Variants in AHI1 observed in about 807,000 individuals in gnomAD.
AHI1 encodes the protein jouberin.
A neutral mutation model predicts 149.3 loss-of-function variants in AHI1; 123 were observed. The ratio of observed to expected loss-of-function variants is 0.82; its 90% CI spans 0.71 to 0.96. The LOEUF (loss-of-function observed/expected upper bound fraction) is 0.96, where lower values mean the gene tolerates loss of function less well. Among genes scored for constraint, AHI1 ranks in the 40% least tolerant of loss-of-function variants. The pLI is 0.00. For synonymous variants in AHI1, 475 were observed against 459.8 expected (o/e 1.03, Z -0.42); for missense variants, 1,439 against 1,422.7 (o/e 1.01, Z -0.18).
At chr6:135,453,270 G>T in intron 11 of AHI1, 71 bp downstream of exon 11, 1 of 1,191,446 alleles carries the variant, frequency 8.4e-7, no homozygotes, top group Non-Finnish European at 1.2e-6. Flanking sequence ...AGACCAAACT[G>T]ATTTGGGAGA....
intron 24 of AHI1, 111 bp from the exon 25 acceptor site, chr6:135,323,435 G>C (rs1787179165): frequency 1.7e-6 from 2 of 1,177,230 alleles, no homozygotes; most frequent in African/African-American, 3.1e-5. Context: ...CAGTACTTTG[G>C]TAAGTGTGAG....
intron 24 of AHI1, among the ~76,000 whole-genome samples, chr6:135,332,960 A>G (rs1021307750): frequency 3.9e-5 from 6 of 152,248 alleles, no homozygotes; most frequent in African/African-American, 1.2e-4. Flanking sequence ...TAAATGTATT[A>G]TAATTTTGTC....
intron 21 of AHI1, among the ~76,000 whole-genome samples, chr6:135,405,996 C>T (rs556524838): frequency 2.6e-5 from 4 of 151,124 alleles, no homozygotes; most frequent in Non-Finnish European, 4.4e-5. Flanking sequence ...TCATAATCAA[C>T]ATGGAGTTTA....
chr6:135,316,436 C>T (rs1184565972), intron 26 of AHI1, among the ~76,000 whole-genome samples: 3 of 151,856 alleles, frequency 2.0e-5, no homozygotes, highest in Admixed American at 6.6e-5. Flanking sequence ...TAATCCTTGC[C>T]ACTCTATTGA....
chr6:135,289,421 G>A (rs897088835), intron 28 of AHI1, among the ~76,000 whole-genome samples: 2 of 152,012 alleles, frequency 1.3e-5, no homozygotes, highest in Non-Finnish European at 2.9e-5. Flanking sequence ...CTTGAACCCG[G>A]GAGGTGGAGA....
Position 135,411,460 on chromosome 6 carries a change from C to T in AHI1, c.2849G>A (p.Cys950Tyr), listed in dbSNP as rs1225607963. ...PGIHQSQDAL[C>Y]TCPKLPHQGS... The stretch of plus-strand genomic sequence containing the variant: ...TTGATGGGGTAGTTTTGGACAGGTA[C>T]ATAGGGCATCTTGACTTTGGTGTAT... Residue 950 changes from cysteine (C) to tyrosine (Y), a missense_variant, in exon 21 of 29, where the codon TGT (cysteine) becomes TAT (tyrosine). By Grantham distance (194) the Cys-to-Tyr change is radical (BLOSUM62 -2). Coordinates refer to ENST00000265602, the MANE Select transcript of AHI1 (RefSeq NM_001134831.2). 1 of 1,613,570 alleles carries T rather than the reference C, an allele frequency of 6.2e-7. No individual in the cohort carries two copies. The highest frequency in any genetic ancestry group is 8.5e-7 in the Non-Finnish European group (1 of 1,179,648).
chr6:135,318,502 T>C lies in AHI1; in HGVS notation c.3426+17A>G. The C allele has an allele frequency of 2.0e-6, 3 of 1,494,578 alleles. No homozygotes were observed. Among genetic ancestry groups the C allele is most frequent in the Non-Finnish European group, 2.8e-6 (3 of 1,089,366 alleles). 92.6% of individuals were successfully genotyped at this position (1,494,578 alleles called of 1,614,324 possible). On this transcript the variant is annotated intron_variant, in intron 26 of 28. Coordinates refer to ENST00000265602, the MANE Select transcript of AHI1 (RefSeq NM_001134831.2). ...AATCAAAGTACATATGTAATACGTA[T>C]GCTCAAAAACATTTACCTTTTGAGG... is the stretch of plus-strand genomic sequence containing the variant.
At chr6:135,459,920 G>A (rs905545271) in intron 8 of AHI1, among the ~76,000 whole-genome samples, 3 of 152,130 alleles carry the variant, frequency 2.0e-5, no homozygotes, top group Non-Finnish European at 4.4e-5. Flanking sequence ...TGTGGGCCGC[G>A]ATAGCTCACA....
intron 11 of AHI1, among the ~76,000 whole-genome samples, chr6:135,451,717 T>C (rs551163214): frequency 6.6e-6 from 1 of 152,358 alleles, no homozygotes; most frequent in Admixed American, 6.5e-5. Context: ...TGAAATATGT[T>C]ACTGCTTCCT....
intron 5 of AHI1, among the ~76,000 whole-genome samples, chr6:135,486,931 G>T (rs894941704): frequency 1.3e-5 from 2 of 151,840 alleles, no homozygotes; most frequent in African/African-American, 4.8e-5. Flanking sequence ...CCATGCCCAG[G>T]TAAGTTTTTA....
chr6:135,406,310 C>T (rs1357856062), intron 21 of AHI1, among the ~76,000 whole-genome samples: 2 of 152,180 alleles, frequency 1.3e-5, no homozygotes, highest in African/African-American at 4.8e-5. Flanking sequence ...GAGCCAGATA[C>T]TGTATCTAAA....
At chr6:135,463,963 T>A (rs990366542) in intron 7 of AHI1, among the ~76,000 whole-genome samples, 12 of 152,120 alleles carry the variant, frequency 7.9e-5, no homozygotes, top group African/African-American at 2.9e-4. Context: ...CAGGCATGGA[T>A]TTCTAGGTAA....
intron 23 of AHI1, among the ~76,000 whole-genome samples, chr6:135,359,164 A>C (rs1321775719): frequency 6.6e-6 from 1 of 152,230 alleles, no homozygotes; most frequent in Admixed American, 6.5e-5. Context: ...ATCGCTTTGC[A>C]AGAGTATTTT....
At chr6:135,377,951 A>T (rs772030465) in intron 23 of AHI1, among the ~76,000 whole-genome samples, 2 of 152,206 alleles carry the variant, frequency 1.3e-5, no homozygotes, top group African/African-American at 2.4e-5. Flanking sequence ...TGACTGCTCT[A>T]TTCAATAAAT....
intron 24 of AHI1, among the ~76,000 whole-genome samples, chr6:135,349,080 G>A (rs746836778): frequency 6.6e-6 from 1 of 152,062 alleles, no homozygotes; most frequent in Non-Finnish European, 1.5e-5. Flanking sequence ...GAACTCCTGG[G>A]CTCAAGTGAT....
chr6:135,352,054 C>T (rs1336952117), intron 24 of AHI1, among the ~76,000 whole-genome samples: 1 of 152,218 alleles, frequency 6.6e-6, no homozygotes, highest in African/African-American at 2.4e-5. Flanking sequence ...TATTTCCACA[C>T]TGATCCCGAT....
At chr6:135,332,976 A>T (rs1340507747) in intron 24 of AHI1, among the ~76,000 whole-genome samples, 1 of 152,190 alleles carries the variant, frequency 6.6e-6, no homozygotes, top group Non-Finnish European at 1.5e-5. Flanking sequence ...TTGTCTTCTG[A>T]CAGAAGGTTT....
rs114862387 is a variant in AHI1 at position 135,354,919 on chromosome 6, G to A, written c.3165+3213C>T. ...AAATAAAACAATATCTATAATATACGAGCAGGCCACATAGGTTCCTTACAC... is the reference window on the plus strand; with the variant it reads ...AAATAAAACAATATCTATAATATACAAGCAGGCCACATAGGTTCCTTACAC... On this transcript the variant is annotated intron_variant, in intron 24 of 28. Coordinates refer to ENST00000265602, the MANE Select transcript of AHI1 (RefSeq NM_001134831.2). Among the ~76,000 whole-genome samples the A allele has an allele frequency of 3.0e-3, 456 of 152,202 alleles. 2 individuals carry two copies. The highest frequency in any genetic ancestry group is 0.011 in the African/African-American group (438 of 41,530).
At chr6:135,456,369 C>T (rs1282436411) in intron 9 of AHI1, among the ~76,000 whole-genome samples, 7 of 151,888 alleles carry the variant, frequency 4.6e-5, no homozygotes, top group South Asian at 2.1e-4. Context: ...GATGAAACCT[C>T]GTTTCTACAA....
Sources: allele counts gnomAD v4.1 joint callset (sites outside exome capture counted in the v4.1 genomes callset), GRCh38; gene constraint gnomAD v4.1.1; transcripts MANE v1.5; gene names NCBI Gene and HGNC (gene_info 2026-07-23, HGNC 2026-07-21).